Variants in MYLK3 observed in about 807,000 individuals in gnomAD.
MYLK3 encodes myosin light chain kinase 3.
In MYLK3, 55 loss-of-function variants were observed where a neutral mutation model predicts 76.3. The ratio of observed to expected loss-of-function variants is 0.72; its 90% CI spans 0.58 to 0.90. The LOEUF (loss-of-function observed/expected upper bound fraction) is 0.90, where lower values mean the gene tolerates loss of function less well. Ranked by LOEUF, MYLK3 falls within the 40% of genes least tolerant of loss-of-function variation. The pLI is 0.00. For missense variants in MYLK3, 973 were observed against 1,053.6 expected (o/e 0.92, Z 1.06); for synonymous variants, 416 against 425.4 (o/e 0.98, Z 0.27).
upstream of MYLK3, among the ~76,000 whole-genome samples, chr16:46,749,983 C>T (rs114292038): frequency 6.2e-3 from 949 of 151,862 alleles, 12 homozygotes; most frequent in African/African-American, 0.022. Flanking sequence ...TTATATTCAC[C>T]GCCACTGAAA....
At chr16:46,721,321 G>T in intron 8 of MYLK3, 128 bp from the exon 9 acceptor site, 1 of 752,750 alleles carries the variant, frequency 1.3e-6, no homozygotes, top group Non-Finnish European at 2.3e-6. Context: ...CCCTGCAAGG[G>T]CTGGATAGAT....
At chr16:46,751,783 C>A (rs991920157), upstream of MYLK3, among the ~76,000 whole-genome samples, 11 of 152,184 alleles carry the variant, frequency 7.2e-5, no homozygotes, top group Admixed American at 6.5e-4. Flanking sequence ...GTTCCTGGGG[C>A]CTCTGTGGTG....
At chr16:46,756,710 C>T (rs777401974) in intron 1 of MYLK3, among the ~76,000 whole-genome samples, 1 of 152,218 alleles carries the variant, frequency 6.6e-6, no homozygotes, top group Non-Finnish European at 1.5e-5. Flanking sequence ...GCCATAGGGG[C>T]TCACGGTGCA....
At chr16:46,736,660 A>C (rs1966869683) in intron 3 of MYLK3, among the ~76,000 whole-genome samples, 1 of 151,986 alleles carries the variant, frequency 6.6e-6, no homozygotes, top group Admixed American at 6.6e-5. Flanking sequence ...TCCTCCTAGA[A>C]CCAAGTCTGA....
intron 8 of MYLK3, among the ~76,000 whole-genome samples, chr16:46,723,224 G>A (rs796246278): frequency 2.0e-5 from 3 of 152,016 alleles, no homozygotes; most frequent in South Asian, 2.1e-4. Flanking sequence ...TCATATAAAT[G>A]GAATCATAAA....
chr16:46,757,605 T>C, intron 1 of MYLK3: 18 of 985,368 alleles, frequency 1.8e-5, no homozygotes, highest in Non-Finnish European at 2.2e-5. Context: ...GTGGGCTGGC[T>C]GGCCAGGATG....
At chr16:46,714,665 G>A (rs1370191520) in intron 9 of MYLK3, among the ~76,000 whole-genome samples, 2 of 152,164 alleles carry the variant, frequency 1.3e-5, no homozygotes, top group Admixed American at 6.5e-5. Flanking sequence ...GCCACACCTC[G>A]TGTCATGTGA....
intron 3 of MYLK3, 34 bp downstream of exon 3, chr16:46,737,677 C>T: frequency 6.4e-7 from 1 of 1,561,450 alleles, no homozygotes; most frequent in South Asian, 1.2e-5. Context: ...CAGTCCATCC[C>T]CTCCCTCACC....
chr16:46,736,806 T>G (rs574125104), intron 3 of MYLK3, among the ~76,000 whole-genome samples: 11 of 152,146 alleles, frequency 7.2e-5, no homozygotes, highest in African/African-American at 2.6e-4. Flanking sequence ...AAACACCAGG[T>G]CCCTCCGAGA....
intron 9 of MYLK3, among the ~76,000 whole-genome samples, chr16:46,716,215 T>C (rs1359766871): frequency 6.6e-6 from 1 of 152,164 alleles, no homozygotes. Flanking sequence ...CCTCTGCTTC[T>C]GGTCCCGCCA....
At chr16:46,728,566 TA>T (rs1297686809) in intron 7 of MYLK3, among the ~76,000 whole-genome samples, 1 of 151,910 alleles carries the variant, frequency 6.6e-6, no homozygotes. Context: ...ACAAAAAATT[TA>T]AAAATTAGCT....
chr16:46,719,637 G>A (rs1435352454), intron 9 of MYLK3, among the ~76,000 whole-genome samples: 4 of 152,234 alleles, frequency 2.6e-5, no homozygotes, highest in Non-Finnish European at 4.4e-5. Context: ...GGGAGCCACT[G>A]AGTGGGGTGC....
intron 1 of MYLK3, among the ~76,000 whole-genome samples, chr16:46,746,613 C>A (rs74495982): frequency 1.3e-5 from 2 of 152,022 alleles, no homozygotes; most frequent in Admixed American, 6.6e-5. Context: ...TTTGTAGAGA[C>A]GGGGTCTTCC....
Position 46,748,298 on chromosome 16 carries a change from T to C in MYLK3, c.-105A>G. The C allele has an allele frequency of 6.9e-7, 1 of 1,458,046 alleles. No homozygotes were observed. Among genetic ancestry groups the C allele is most frequent in the South Asian group, 1.4e-5 (1 of 70,332 alleles). 90.3% of individuals were successfully genotyped at this position (1,458,046 alleles called of 1,614,324 possible). A position where few individuals can be genotyped will look rare whatever the true frequency, so the allele number is the denominator to read the frequency against. ...CTGCAAGGTCATTGTCCTCCGTAGC[T>C]GACAGACTCCTGGCAGCACCAACCT... On this transcript the variant is annotated 5_prime_UTR_variant, in exon 1 of 13. Transcript: ENST00000394809. The surrounding 1 kb of genome is among the most constrained non-coding windows in gnomAD (Gnocchi z 4.3).
chr16:46,739,985 G>A (rs551001361), intron 2 of MYLK3, 72 bp downstream of exon 2: 36 of 1,066,884 alleles, frequency 3.4e-5, no homozygotes, highest in South Asian at 5.7e-5. Context: ...ACTGTGGGCC[G>A]TGTTGTTGGG....
intron 1 of MYLK3, among the ~76,000 whole-genome samples, chr16:46,740,894 G>A (rs191190050): frequency 6.6e-6 from 1 of 152,262 alleles, no homozygotes; most frequent in East Asian, 1.9e-4. Context: ...AGATCAACTG[G>A]TCATGGCTAC....
chr16:46,760,854 T>C (rs1213302289), intron 1 of MYLK3, among the ~76,000 whole-genome samples: 2 of 151,922 alleles, frequency 1.3e-5, no homozygotes, highest in Non-Finnish European at 2.9e-5. Context: ...GGGTCTGAGG[T>C]CTGGGGAGGG....
At chr16:46,741,465 G>C (rs1433420065) in intron 1 of MYLK3, among the ~76,000 whole-genome samples, 2 of 152,206 alleles carry the variant, frequency 1.3e-5, no homozygotes, top group Non-Finnish European at 2.9e-5. Flanking sequence ...ATTTCCAGAT[G>C]GTCTGACCTC....
chr16:46,750,439 T>C (rs1163667564), upstream of MYLK3, among the ~76,000 whole-genome samples: 1 of 152,358 alleles, frequency 6.6e-6, no homozygotes, highest in South Asian at 2.1e-4. Context: ...CTCACGCCTA[T>C]AATCCCAGCA....
Sources: gnomAD v4.1 joint callset for allele counts (sites outside exome capture counted in the v4.1 genomes callset) on GRCh38, gnomAD v4.1.1 for gene constraint, Gnocchi (gnomAD v3.1) non-coding constraint, MANE v1.5 for transcripts, NCBI Gene and HGNC (gene_info 2026-07-23, HGNC 2026-07-21) for gene names.